Variants in MITF observed in about 807,000 individuals in gnomAD.
MITF encodes the protein microphthalmia-associated transcription factor.
In MITF, 17 loss-of-function variants were observed where a neutral mutation model predicts 60.5. That is an observed-to-expected ratio of 0.28 (90% confidence interval 0.19 to 0.42). The LOEUF is 0.42. Among genes scored for constraint, MITF ranks in the 10% least tolerant of loss-of-function variants. MITF has a pLI of 1.00. For synonymous variants in MITF, 260 were observed against 248.5 expected (o/e 1.05, Z -0.43); for missense variants, 622 against 683.5 (o/e 0.91, Z 1.00).
At chr3:69,774,324 T>G (rs2062440711) in intron 1 of MITF, among the ~76,000 whole-genome samples, 1 of 152,158 alleles carries the variant, frequency 6.6e-6, no homozygotes, top group African/African-American at 2.4e-5. Context: ...AGGGACCGTC[T>G]TTTATTATTC....
chr3:69,818,929 T>G (rs2063222652), intron 1 of MITF, among the ~76,000 whole-genome samples: 1 of 152,184 alleles, frequency 6.6e-6, no homozygotes, highest in Non-Finnish European at 1.5e-5. Context: ...TTATTACTAA[T>G]ACACGTGTAT....
intron 1 of MITF, among the ~76,000 whole-genome samples, chr3:69,766,902 G>C (rs1470161454): frequency 6.6e-6 from 1 of 152,030 alleles, no homozygotes; most frequent in Non-Finnish European, 1.5e-5. Context: ...TTCTCCTTTT[G>C]GATTTGGTCC....
At chr3:69,841,873 A>T (rs1368373195) in intron 1 of MITF, among the ~76,000 whole-genome samples, 3 of 152,336 alleles carry the variant, frequency 2.0e-5, no homozygotes, top group East Asian at 3.9e-4. Flanking sequence ...AAGGAAAAAT[A>T]TCAAAATGTT....
At chr3:69,841,833 G>T (rs2063642344) in intron 1 of MITF, among the ~76,000 whole-genome samples, 1 of 152,052 alleles carries the variant, frequency 6.6e-6, no homozygotes, top group African/African-American at 2.4e-5. Context: ...CAGGGATAGT[G>T]GTGTTATATG....
chr3:69,813,052 A>T (rs1223302237), intron 1 of MITF, among the ~76,000 whole-genome samples: 1 of 152,190 alleles, frequency 6.6e-6, no homozygotes, highest in African/African-American at 2.4e-5. Context: ...GCCACTTACA[A>T]TGTACTATTC....
chr3:69,826,500 C>T lies in MITF; in HGVS notation c.105-52634C>T, dbSNP rs1176318764. On this transcript the variant is annotated intron_variant, in intron 1 of 9. Coordinates refer to ENST00000352241, the MANE Select transcript of MITF (RefSeq NM_001354604.2). ...ATTTGGAGCCTTTTCTAATTTGGGG[C>T]ATTTACAGTGAGGCTATGAACATTC... Among the ~76,000 whole-genome samples the T allele has an allele frequency of 2.6e-5, 4 of 152,248 alleles. No homozygotes were observed. The South Asian group carries it at 6.2e-4, about 24-fold the overall frequency.
At chr3:69,944,764 A>G (rs1022048921) in intron 5 of MITF, among the ~76,000 whole-genome samples, 44 of 152,114 alleles carry the variant, frequency 2.9e-4, no homozygotes, top group African/African-American at 1.1e-3. Context: ...GGTAGCCCAC[A>G]AAAAGCATTT....
intron 1 of MITF, among the ~76,000 whole-genome samples, chr3:69,766,036 A>G (rs2062286436): frequency 6.6e-6 from 1 of 152,212 alleles, no homozygotes; most frequent in Non-Finnish European, 1.5e-5. Context: ...TATCTTTTTA[A>G]AAAGAGGTTT....
intron 1 of MITF, among the ~76,000 whole-genome samples, chr3:69,850,875 G>C (rs187330053): frequency 2.6e-5 from 4 of 152,236 alleles, no homozygotes; most frequent in Admixed American, 2.0e-4. Context: ...TACCCCCTCT[G>C]CATAATCATC....
chr3:69,789,448 A>G (rs1336847719), intron 1 of MITF, among the ~76,000 whole-genome samples: 1 of 152,226 alleles, frequency 6.6e-6, no homozygotes, highest in East Asian at 1.9e-4. Context: ...GTATCACCTC[A>G]TACTCATTAG....
intron 7 of MITF, among the ~76,000 whole-genome samples, chr3:69,953,036 G>A (rs2066295059): frequency 6.6e-6 from 1 of 152,022 alleles, no homozygotes; most frequent in South Asian, 2.1e-4. Flanking sequence ...TGTTTCTCTA[G>A]GTTAGAAACC....
intron 2 of MITF, among the ~76,000 whole-genome samples, chr3:69,884,207 G>A (rs570464593): frequency 6.6e-6 from 1 of 152,094 alleles, no homozygotes; most frequent in East Asian, 1.9e-4. Flanking sequence ...GCCTACCACC[G>A]CCTCCCTTCC....
At position 69,745,740 on chromosome 3, in the gene MITF, CTG is replaced by C. The variant is rs532255604; in HGVS notation, c.104+6042_104+6043del. ...AGAGGGAGCCCTGCTTAAGTGCTGT[CTG>C]TGGTCGCTGCTTTGCCACTTAACCA... is the stretch of plus-strand genomic sequence containing the variant. On this transcript the variant is annotated intron_variant, in intron 1 of 9. Coordinates refer to ENST00000352241, the MANE Select transcript of MITF (RefSeq NM_001354604.2). Among the ~76,000 whole-genome samples the C allele has an allele frequency of 2.1e-3, 316 of 152,300 alleles. 2 individuals carry two copies. The highest frequency in any genetic ancestry group is 7.5e-3 in the African/African-American group (311 of 41,556).
chr3:69,912,497 A>G (rs2065245960), intron 2 of MITF, among the ~76,000 whole-genome samples: 1 of 152,166 alleles, frequency 6.6e-6, no homozygotes, highest in Non-Finnish European at 1.5e-5. Flanking sequence ...ACTTGCCATC[A>G]CTGTATTTGC....
intron 1 of MITF, among the ~76,000 whole-genome samples, chr3:69,834,996 A>G (rs1230798648): frequency 9.5e-6 from 1 of 105,786 alleles, no homozygotes; most frequent in African/African-American, 3.5e-5. Flanking sequence ...AAAAGTGTCT[A>G]TTAAGCTTGC....
intron 8 of MITF, among the ~76,000 whole-genome samples, chr3:69,959,014 GA>G (rs1217740068): frequency 1.3e-5 from 2 of 149,800 alleles, no homozygotes; most frequent in South Asian, 2.2e-4. Context: ...GGAAGGGAGG[GA>G]GGGGGTGGGA....
At chr3:69,805,170 A>G (rs539306762) in intron 1 of MITF, among the ~76,000 whole-genome samples, 22 of 151,950 alleles carry the variant, frequency 1.4e-4, no homozygotes, top group Non-Finnish European at 2.8e-4. Flanking sequence ...TAACCAATTT[A>G]AGTTAGGAAG....
At chr3:69,852,012 C>T (rs2063832282) in intron 1 of MITF, among the ~76,000 whole-genome samples, 1 of 152,052 alleles carries the variant, frequency 6.6e-6, no homozygotes, top group Non-Finnish European at 1.5e-5. Context: ...ATGTAACCAT[C>T]TCTTTCGGCA....
chr3:69,878,302 A>G (rs1468692408), intron 1 of MITF, among the ~76,000 whole-genome samples: 4 of 152,186 alleles, frequency 2.6e-5, no homozygotes, highest in Non-Finnish European at 5.9e-5. Context: ...CAGAAACCAT[A>G]TTTAGGAAAA....
Sources: gnomAD v4.1 joint callset for allele counts (sites outside exome capture counted in the v4.1 genomes callset) on GRCh38, gnomAD v4.1.1 for gene constraint, MANE v1.5 for transcripts, NCBI Gene and HGNC (gene_info 2026-07-23, HGNC 2026-07-21) for gene names.